The following RNF114 variants were observed in gnomAD, a reference collection of about 807,000 sequenced individuals.
The protein encoded by RNF114 is ring finger protein 114, also known as E3 ubiquitin-protein ligase RNF114.
Under a neutral mutation model 28.4 loss-of-function variants are expected in RNF114, and 6 were observed. The observed-to-expected ratio is 0.21, with a 90% CI of 0.12 to 0.42. The LOEUF is 0.42. Among genes scored for constraint, RNF114 ranks in the 10% least tolerant of loss-of-function variants. The pLI is 1.00. For synonymous variants in RNF114, 115 were observed against 116.7 expected, an observed-to-expected ratio of 0.99 and a Z score of 0.09; for missense variants, 249 against 311.7, an observed-to-expected ratio of 0.80 and a Z score of 1.51.
At chr20:49,943,582 C>T (rs530311378) in intron 2 of RNF114, among the ~76,000 whole-genome samples, 2 of 149,790 alleles carry the variant, frequency 1.3e-5, no homozygotes, top group African/African-American at 4.9e-5. Context: ...AATATTGGAG[C>T]ATTTTTTTCC....
intron 2 of RNF114, chr20:49,942,064 C>G (rs569719563): frequency 4.5e-6 from 1 of 219,854 alleles, no homozygotes; most frequent in Non-Finnish European, 9.1e-6. Flanking sequence ...GTTAAGAGAC[C>G]AGCCTGGACA....
At position 49,945,495 on chromosome 20, in the gene RNF114, G is replaced by T; in HGVS notation, c.398+7G>T. The T allele has an allele frequency of 6.5e-7, 1 of 1,542,314 alleles. No homozygotes were observed. Among genetic ancestry groups the T allele is most frequent in the South Asian group, 1.1e-5 (1 of 89,572 alleles). On this transcript the variant is annotated splice_region_variant and intron_variant, in intron 3 of 5. Coordinates refer to ENST00000244061, the MANE Select transcript of RNF114 (RefSeq NM_018683.4). ...ATGCATCTCTTCAGCCAAGGTAAAT[G>T]ACTCAGTCTCCCCTTAGGTGGAGGT...
intron 1 of RNF114, among the ~76,000 whole-genome samples, chr20:49,937,567 A>G (rs1236557089): frequency 6.6e-6 from 1 of 152,206 alleles, no homozygotes; most frequent in Non-Finnish European, 1.5e-5. Context: ...AGCTCTTCCC[A>G]GATGTACTGC....
At chr20:49,942,673 A>C (rs1180522872) in intron 2 of RNF114, among the ~76,000 whole-genome samples, 2 of 152,096 alleles carry the variant, frequency 1.3e-5, no homozygotes, top group Non-Finnish European at 2.9e-5. Flanking sequence ...AAATACAAAA[A>C]ACTAGCAGGG....
At position 49,952,474 on chromosome 20, in the gene RNF114, C is replaced by T; in HGVS notation, c.*333C>T. The T allele has an allele frequency of 2.0e-6, 1 of 496,278 alleles. No homozygotes were observed. The allele number at this position is 496,278 out of a possible 1,614,324, so 30.7% of individuals were successfully genotyped here. A position where few individuals can be genotyped will look rare whatever the true frequency, so the allele number is the denominator to read the frequency against. On this transcript the variant is annotated 3_prime_UTR_variant, in exon 6 of 6. Transcript: ENST00000244061. Reference sequence around the variant, plus strand: ...CTTGTTTCACACTCATTCCTCCCATCCAGTGTTTGTCTCTCGGGTCCTTCA... The same window carrying T: ...CTTGTTTCACACTCATTCCTCCCATTCAGTGTTTGTCTCTCGGGTCCTTCA...
chr20:49,944,312 G>A (rs544625173), intron 2 of RNF114: 1 of 152,146 alleles, frequency 6.6e-6, no homozygotes, highest in South Asian at 2.1e-4. Context: ...TGAAGTGATG[G>A]CCCACCTCAG....
chr20:49,937,891 G>A (rs2090293875), intron 1 of RNF114, among the ~76,000 whole-genome samples: 1 of 152,166 alleles, frequency 6.6e-6, no homozygotes. Flanking sequence ...TGGCCTCTGT[G>A]TGCCAGATTT....
At chr20:49,936,634 G>T in intron 1 of RNF114, 82 bp downstream of exon 1, 1 of 1,497,036 alleles carries the variant, frequency 6.7e-7, no homozygotes, top group African/African-American at 1.4e-5. Flanking sequence ...GTCTCAGGGC[G>T]GGAGCCAGAG....
rs764478993 is a variant in RNF114 at position 49,952,160 on chromosome 20, A to G, written c.*19A>G. 5.0e-6 allele frequency: 8 copies of G among 1,606,920 alleles called. No homozygotes were observed. The Admixed American group carries it at 5.0e-5, about 10-fold the overall frequency. On this transcript the variant is annotated 3_prime_UTR_variant, in exon 6 of 6. Coordinates refer to ENST00000244061, the MANE Select transcript of RNF114 (RefSeq NM_018683.4). ...CCAGTGAGCAGAGTCCGTGCTTGCT[A>G]TCTGTCTCATGTTACAGAGCTTCCA...
chr20:49,952,146 A>G lies in RNF114; in HGVS notation c.*5A>G. 1.9e-6 allele frequency: 3 copies of G among 1,612,648 alleles called. No individual in the cohort carries two copies. Among genetic ancestry groups the G allele is most frequent in the Non-Finnish European group, 2.5e-6 (3 of 1,178,584 alleles). ...CGCTCCATCATCGACCAGTGAGCAGAGTCCGTGCTTGCTATCTGTCTCATG... is the reference window on the plus strand; with the variant it reads ...CGCTCCATCATCGACCAGTGAGCAGGGTCCGTGCTTGCTATCTGTCTCATG... On this transcript the variant is annotated 3_prime_UTR_variant, in exon 6 of 6. Transcript: ENST00000244061.
intron 5 of RNF114, 131 bp downstream of exon 5, chr20:49,949,486 T>TACAG: frequency 1.4e-6 from 1 of 723,240 alleles, no homozygotes; most frequent in Non-Finnish European, 2.4e-6. Context: ...CCAGTCTGTA[T>TACAG]ACTGGATACA....
chr20:49,937,478 C>T (rs543516436), intron 1 of RNF114, among the ~76,000 whole-genome samples: 4 of 152,034 alleles, frequency 2.6e-5, no homozygotes, highest in Non-Finnish European at 5.9e-5. Context: ...CACCCTGCAG[C>T]GGGGGAGGGT....
At position 49,952,287 on chromosome 20, in the gene RNF114, G is replaced by C; in HGVS notation, c.*146G>C. The C allele has an allele frequency of 1.4e-6, 1 of 721,776 alleles. No homozygotes were observed. The highest frequency in any genetic ancestry group is 2.5e-6 in the Non-Finnish European group (1 of 401,694). 44.7% of individuals were successfully genotyped at this position (721,776 alleles called of 1,614,324 possible). On this transcript the variant is annotated 3_prime_UTR_variant, in exon 6 of 6. Coordinates refer to ENST00000244061, the MANE Select transcript of RNF114 (RefSeq NM_018683.4). ...GACAGGGTCACTTCTGACAGGGGAA[G>C]TGGGTCCCCAGGTCAGCCCTTCTCT...
intron 5 of RNF114, among the ~76,000 whole-genome samples, chr20:49,951,204 G>T (rs1047564652): frequency 6.6e-6 from 1 of 151,724 alleles, no homozygotes; most frequent in African/African-American, 2.4e-5. Flanking sequence ...TTGTCATAAA[G>T]AATATTTTTT....
At chr20:49,949,634 T>C (rs996197949) in intron 5 of RNF114, among the ~76,000 whole-genome samples, 26 of 152,216 alleles carry the variant, frequency 1.7e-4, no homozygotes, top group African/African-American at 6.0e-4. Context: ...GCCAGGCAGG[T>C]GGCCAGAGTG....
At chr20:49,940,747 G>A (rs745853345) in intron 1 of RNF114, among the ~76,000 whole-genome samples, 3 of 151,098 alleles carry the variant, frequency 2.0e-5, no homozygotes, top group Non-Finnish European at 2.9e-5. Context: ...CAGAGATGCC[G>A]TCTCTGCAGT....
chr20:49,939,974 G>T (rs984989890), intron 1 of RNF114, among the ~76,000 whole-genome samples: 8 of 148,364 alleles, frequency 5.4e-5, no homozygotes, highest in African/African-American at 2.0e-4. Flanking sequence ...GAATCGCTTG[G>T]ACCGGGGAGG....
chr20:49,937,531 C>G (rs77455246), intron 1 of RNF114, among the ~76,000 whole-genome samples: 4,919 of 152,298 alleles, frequency 0.032, 107 homozygotes, highest in Non-Finnish European at 0.048. Context: ...GTCCGAGGCT[C>G]TCTTAGGGAA....
In RNF114 at chr20:49,952,003, C is replaced by T; in HGVS notation, c.622-73C>T. ...GCTCCGGATCCAGTTGCTAGGCTGT[C>T]CTGCTTCTACTGAAAGCCAGTCTTT... is the stretch of plus-strand genomic sequence containing the variant. On this transcript the variant is annotated intron_variant, in intron 5 of 5. Coordinates refer to ENST00000244061, the MANE Select transcript of RNF114 (RefSeq NM_018683.4). 11 of 1,327,056 alleles carry T rather than the reference C, an allele frequency of 8.3e-6. No homozygotes were observed. The South Asian group carries it at 1.1e-4, about 13-fold the overall frequency. 82.2% of individuals were successfully genotyped at this position (1,327,056 alleles called of 1,614,324 possible).
Sources: allele counts gnomAD v4.1 joint callset (sites outside exome capture counted in the v4.1 genomes callset), GRCh38; gene constraint gnomAD v4.1.1; transcripts MANE v1.5; gene names NCBI Gene and HGNC (gene_info 2026-07-23, HGNC 2026-07-21).